The following IL12RB2 variants were observed in gnomAD, a reference collection of about 807,000 sequenced individuals.
The protein encoded by IL12RB2 is interleukin-12 receptor subunit beta-2.
In IL12RB2, 82 loss-of-function variants were observed where a neutral mutation model predicts 89.4. The observed-to-expected ratio is 0.92, with a 90% CI of 0.77 to 1.10. The LOEUF (loss-of-function observed/expected upper bound fraction) is 1.10. Ranked by LOEUF, IL12RB2 falls within the 50% of genes least tolerant of loss-of-function variation. IL12RB2 has a pLI of 0.00. For synonymous variants in IL12RB2, 368 were observed against 370.1 expected (o/e 0.99, Z 0.07); for missense variants, 963 against 1,031.9 (o/e 0.93, Z 0.92).
At chr1:67,332,531 A>C (rs1007498883) in intron 8 of IL12RB2, among the ~76,000 whole-genome samples, 1 of 152,236 alleles carries the variant, frequency 6.6e-6, no homozygotes, top group Non-Finnish European at 1.5e-5. Flanking sequence ...GAATTTATCC[A>C]ACAAATGATA....
At chr1:67,385,751 C>T (rs775194284) in intron 14 of IL12RB2, among the ~76,000 whole-genome samples, 12 of 152,190 alleles carry the variant, frequency 7.9e-5, no homozygotes, top group Admixed American at 2.0e-4. Flanking sequence ...TCACAATCAC[C>T]CTAGCTAGAT....
intron 5 of IL12RB2, 89 bp downstream of exon 5, chr1:67,326,938 TTTTATTTTATTTA>T (rs1416487036): frequency 1.0e-5 from 10 of 977,282 alleles, no homozygotes; most frequent in Non-Finnish European, 1.3e-5. Context: ...TTTATTTTTA[TTTTATTTTATTTA>T]TTTATTTATT....
chr1:67,340,771 G>T (rs3790564), intron 9 of IL12RB2, among the ~76,000 whole-genome samples: 22,027 of 152,270 alleles, frequency 0.14, 2,018 homozygotes, highest in East Asian at 0.39. Flanking sequence ...TGTTGGCCAT[G>T]AGTGATGCTT....
At chr1:67,359,507 T>A (rs1661744724) in intron 10 of IL12RB2, among the ~76,000 whole-genome samples, 1 of 151,830 alleles carries the variant, frequency 6.6e-6, no homozygotes, top group African/African-American at 2.4e-5. Flanking sequence ...GGATCACTTG[T>A]GGTTAGGAGT....
chr1:67,346,419 C>A (rs1286127521), intron 9 of IL12RB2, among the ~76,000 whole-genome samples: 1 of 129,942 alleles, frequency 7.7e-6, no homozygotes, highest in Non-Finnish European at 1.6e-5. Flanking sequence ...CAGGTTCTCA[C>A]TCTGTCACCC....
At chr1:67,322,081 G>A (rs1004499747) in intron 4 of IL12RB2, among the ~76,000 whole-genome samples, 192 bp downstream of exon 4, 5 of 148,992 alleles carry the variant, frequency 3.4e-5, no homozygotes, top group African/African-American at 1.2e-4. Context: ...TATTTGGCAA[G>A]TCTCTCTCTC....
intron 8 of IL12RB2, among the ~76,000 whole-genome samples, chr1:67,337,915 AAAGAAAAG>A (rs753109340): frequency 7.4e-6 from 1 of 134,308 alleles, no homozygotes; most frequent in African/African-American, 2.7e-5. Flanking sequence ...AAAAAAAAAA[AAAGAAAAG>A]AAAAGAAAAG....
At chr1:67,370,776 G>C (rs2101003081) in intron 11 of IL12RB2, among the ~76,000 whole-genome samples, 1 of 152,268 alleles carries the variant, frequency 6.6e-6, no homozygotes, top group African/African-American at 2.4e-5. Flanking sequence ...AGGAGTTCTT[G>C]AGGCCAGAAC....
chr1:67,319,509 T>C (rs796807561), intron 2 of IL12RB2, among the ~76,000 whole-genome samples: 5 of 152,366 alleles, frequency 3.3e-5, no homozygotes, highest in African/African-American at 1.2e-4. Context: ...AAGTTCCAGA[T>C]GGGTTATGAG....
rs1286166541 is a variant in IL12RB2 at position 67,397,873 on chromosome 1, A to C, written c.*1784A>C. ...GTTGTAAATGTGTACTTCTTGCCTAACGTGAGGAACTAAAAACTTGTCCAT... is the reference window on the plus strand; with the variant it reads ...GTTGTAAATGTGTACTTCTTGCCTACCGTGAGGAACTAAAAACTTGTCCAT... On this transcript the variant is annotated 3_prime_UTR_variant, in exon 17 of 17. Transcript: ENST00000674203. 6.6e-6 allele frequency among the ~76,000 whole-genome samples: 1 copy of C among 152,190 alleles called. No homozygotes were observed. Among genetic ancestry groups the C allele is most frequent in the African/African-American group, 2.4e-5 (1 of 41,450 alleles).
chr1:67,347,715 T>G (rs555045808), intron 9 of IL12RB2, among the ~76,000 whole-genome samples: 1 of 152,272 alleles, frequency 6.6e-6, no homozygotes, highest in African/African-American at 2.4e-5. Flanking sequence ...TTATAGCATA[T>G]TCTTACCAAT....
intron 4 of IL12RB2, among the ~76,000 whole-genome samples, chr1:67,323,199 G>A (rs1656812424): frequency 6.6e-6 from 1 of 152,184 alleles, no homozygotes; most frequent in South Asian, 2.1e-4. Context: ...GAAGCACGGA[G>A]CAGAAGACCA....
Position 67,326,694 on chromosome 1 carries a change from C to T in IL12RB2, c.365-41C>T, listed in dbSNP as rs754592560. The T allele has an allele frequency of 3.1e-6, 5 of 1,605,140 alleles. No homozygotes were observed. In the Admixed American group the frequency reaches 5.0e-5, roughly 16 times the overall value. ...GATAATAACAATTCGGTTGAAATAT[C>T]ACCTGTGTGATATATAAGGTTTTGT... On this transcript the variant is annotated intron_variant, in intron 4 of 16. Transcript: ENST00000674203.
rs563952113 is a variant in IL12RB2, at chr1:67,389,495, C to T, written c.1947-534C>T. On this transcript the variant is annotated intron_variant, in intron 15 of 16. Transcript: ENST00000674203. The stretch of plus-strand genomic sequence containing the variant: ...AAAGACCTGTATTTCCTCTTATTGC[C>T]AAATACAATCACTGTTAATAGATAT... Among the ~76,000 whole-genome samples the T allele has an allele frequency of 3.9e-5, 6 of 152,196 alleles. No individual in the cohort carries two copies. In the East Asian group the frequency reaches 7.7e-4, roughly 20 times the overall value.
At chr1:67,336,915 A>G (rs899329667) in intron 8 of IL12RB2, among the ~76,000 whole-genome samples, 1 of 152,206 alleles carries the variant, frequency 6.6e-6, no homozygotes, top group African/African-American at 2.4e-5. Flanking sequence ...AGCACTCACC[A>G]TGTGTCAGCA....
chr1:67,326,671 T>G (rs1657327462), intron 4 of IL12RB2, 64 bp from the exon 5 acceptor site: 1 of 1,588,044 alleles, frequency 6.3e-7, no homozygotes, highest in South Asian at 1.1e-5. Flanking sequence ...TGATGGCAGA[T>G]AATAACAATT....
At chr1:67,380,895 C>G (rs1328046186) in intron 14 of IL12RB2, among the ~76,000 whole-genome samples, 1 of 152,204 alleles carries the variant, frequency 6.6e-6, no homozygotes, top group Non-Finnish European at 1.5e-5. Flanking sequence ...GGGGCCCACT[C>G]TACTCCAGTA....
intron 9 of IL12RB2, among the ~76,000 whole-genome samples, chr1:67,346,501 C>T (rs964540600): frequency 1.1e-4 from 17 of 150,946 alleles, no homozygotes; most frequent in Admixed American, 8.6e-4. Context: ...ATTCTCCCAC[C>T]TCAGCCTCTC....
chr1:67,363,941 A>C (rs187324162), intron 10 of IL12RB2, among the ~76,000 whole-genome samples: 65 of 152,356 alleles, frequency 4.3e-4, no homozygotes, highest in Non-Finnish European at 5.3e-4. Flanking sequence ...AAAGGCAACA[A>C]ATAGAAAATA....
Sources: gnomAD v4.1 joint callset for allele counts (sites outside exome capture counted in the v4.1 genomes callset) on GRCh38, gnomAD v4.1.1 for gene constraint, MANE v1.5 for transcripts, NCBI Gene and HGNC (gene_info 2026-07-23, HGNC 2026-07-21) for gene names.